The following CELA3B variants were observed in gnomAD, a reference collection of about 807,000 sequenced individuals.
The protein encoded by CELA3B is chymotrypsin-like elastase family member 3B.
In CELA3B, 34 loss-of-function variants were observed where a neutral mutation model predicts 37.2. The observed-to-expected ratio is 0.91, with a 90% CI of 0.70 to 1.22. The LOEUF is 1.22. Ranked by LOEUF, CELA3B falls within the 50% of genes most tolerant of loss-of-function variation. CELA3B has a pLI of 0.00. For synonymous variants in CELA3B, 127 were observed against 143.5 expected (o/e 0.89, Z 0.82); for missense variants, 340 against 363.1 (o/e 0.94, Z 0.52).
rs148622646 is a variant in CELA3B, at chr1:21,995,783, G to T, written c.505-2368G>T. 1.3e-3 allele frequency among the ~76,000 whole-genome samples: 183 copies of T among 145,816 alleles called. 12 individuals carry two copies. The East Asian group carries it at 0.032, about 25-fold the overall frequency. On this transcript the variant is annotated intron_variant, in intron 4 of 4. Transcript: ENST00000400277. ...TGATTGTCTCACAATCCTGAGGCTG[G>T]AAGAAGGAAATCAGGGTATTAGCAG... is the stretch of plus-strand genomic sequence containing the variant.
intron 7 of CELA3B, among the ~76,000 whole-genome samples, chr1:21,988,770 G>C (rs562672926): frequency 7.3e-5 from 11 of 150,846 alleles, no homozygotes; most frequent in South Asian, 6.3e-4. Flanking sequence ...TACGCCTGTA[G>C]TCCCAGCTAC....
intron 4 of CELA3B, among the ~76,000 whole-genome samples, chr1:21,995,702 A>T (rs1255357820): frequency 6.7e-6 from 1 of 149,454 alleles, no homozygotes; most frequent in East Asian, 2.0e-4. Context: ...ATCACTTTTA[A>T]TGCCAGGGAA....
At chr1:21,977,186 A>C (rs886669498) in intron 1 of CELA3B, 104 bp downstream of exon 1, 2 of 1,540,054 alleles carry the variant, frequency 1.3e-6, no homozygotes, top group Non-Finnish European at 1.8e-6. Flanking sequence ...GCCTGGTTCC[A>C]CAGGAGGGGG....
chr1:21,979,448 CTTTTCTTTT>C (rs1644791717), intron 2 of CELA3B, among the ~76,000 whole-genome samples: 1 of 108,554 alleles, frequency 9.2e-6, no homozygotes, highest in Admixed American at 1.2e-4. Flanking sequence ...CTTTTCTTTT[CTTTTCTTTT>C]TTTTTTTTTT....
In CELA3B at chr1:21,996,925, G is replaced by A. The variant is rs1158456572; in HGVS notation, c.505-1226G>A. Among the ~76,000 whole-genome samples, 8 of 151,270 alleles carry A rather than the reference G, an allele frequency of 5.3e-5. 1 individual carries two copies. The highest frequency in any genetic ancestry group is 1.5e-4 in the African/African-American group (6 of 40,866). ...CTGCTGACCCATCTGAGACAGCTGG[G>A]GCTGGTAGCTGGGAAATGTTGACCT... is the stretch of plus-strand genomic sequence containing the variant. On this transcript the variant is annotated intron_variant, in intron 4 of 4. Coordinates refer to the CELA3B transcript ENST00000400277.
chr1:21,983,602 T>C (rs546413185), intron 4 of CELA3B, 92 bp from the exon 5 acceptor site: 1 of 1,548,736 alleles, frequency 6.5e-7, no homozygotes, highest in East Asian at 2.3e-5. Context: ...AGCTGGGGCA[T>C]CTCAGAGGCG....
Position 21,977,474 on chromosome 1 carries a change from G to A in CELA3B, c.43+392G>A, listed in dbSNP as rs182257920. On this transcript the variant is annotated intron_variant, in intron 1 of 7. Coordinates refer to ENST00000337107, the MANE Select transcript of CELA3B (RefSeq NM_007352.4). ...GCTCTGGCCTTTTCCTGGTCTCTCTGCCATATTACATTCCAGCTCAGGGCC... is the reference window on the plus strand; with the variant it reads ...GCTCTGGCCTTTTCCTGGTCTCTCTACCATATTACATTCCAGCTCAGGGCC... Among the ~76,000 whole-genome samples, 753 of 152,192 alleles carry A rather than the reference G, an allele frequency of 4.9e-3. 20 individuals are homozygous for A. The highest frequency in any genetic ancestry group is 0.045 in the Admixed American group (683 of 15,274).
At position 21,986,699 on chromosome 1, in the gene CELA3B, C is replaced by T. The variant is rs746537803; in HGVS notation, c.795+16C>T. ...GATTGAGGAGGTGAGGAGGGCAGGG[C>T]GGCCCGGAGGGCTTTAGGGTGGTGG... On this transcript the variant is annotated intron_variant, in intron 7 of 7. Coordinates refer to ENST00000337107, the MANE Select transcript of CELA3B (RefSeq NM_007352.4). 30 of 1,608,982 alleles carry T rather than the reference C, an allele frequency of 1.9e-5. No individual in the cohort carries two copies. The highest frequency in any genetic ancestry group is 6.8e-5 in the Admixed American group (4 of 58,842).
chr1:21,982,315 T>C (rs1472923968), intron 4 of CELA3B, among the ~76,000 whole-genome samples: 3 of 151,976 alleles, frequency 2.0e-5, no homozygotes. Context: ...CCTGCAGCAA[T>C]GTGAATTATT....
downstream of CELA3B, among the ~76,000 whole-genome samples, chr1:21,991,556 G>A (rs1440095966): frequency 4.6e-5 from 7 of 150,966 alleles, no homozygotes; most frequent in African/African-American, 9.8e-5. Context: ...GGCTGGTCTC[G>A]AACTCCTGAC....
intron 7 of CELA3B, 71 bp from the exon 8 acceptor site, chr1:21,989,190 AC>A (rs1644858342): frequency 6.4e-7 from 1 of 1,565,338 alleles, no homozygotes; most frequent in Admixed American, 1.8e-5. Context: ...TGGAAGTTGA[AC>A]CCAGTTTCAT....
At chr1:21,983,554 G>A (rs1569841906) in intron 4 of CELA3B, 140 bp from the exon 5 acceptor site, 1 of 1,337,134 alleles carries the variant, frequency 7.5e-7, no homozygotes. Context: ...TAATAATGAT[G>A]ATGATGATGA....
intron 7 of CELA3B, among the ~76,000 whole-genome samples, chr1:21,988,400 G>A (rs1228545416): frequency 7.3e-5 from 11 of 151,682 alleles, no homozygotes; most frequent in Non-Finnish European, 1.5e-4. Context: ...GACCAGCCTG[G>A]CCAATATGGT....
At chr1:21,997,261 T>C (rs1644894226) in intron 4 of CELA3B, among the ~76,000 whole-genome samples, 1 of 149,124 alleles carries the variant, frequency 6.7e-6, no homozygotes, top group Non-Finnish European at 1.5e-5. Context: ...CTTGGGAGGC[T>C]GAGGCAGGAG....
chr1:21,986,961 C>A (rs1474159929), intron 7 of CELA3B: 19 of 438,192 alleles, frequency 4.3e-5, no homozygotes, highest in South Asian at 2.5e-4. Flanking sequence ...CCTCTCTTGT[C>A]AGGGAGGATA....
intron 4 of CELA3B, among the ~76,000 whole-genome samples, chr1:21,996,449 C>T (rs1644890700): frequency 6.6e-6 from 1 of 151,176 alleles, no homozygotes; most frequent in African/African-American, 2.5e-5. Flanking sequence ...AATGCCATGG[C>T]AACGTCAGGA....
At chr1:21,998,444 T>C (rs551520489) in exon 5 of CELA3B, 1 of 279,048 alleles carries the variant, frequency 3.6e-6, no homozygotes. Context: ...TTAATATCTC[T>C]AGAATGTGCC....
intron 1 of CELA3B, 147 bp downstream of exon 1, chr1:21,977,229 G>A (rs780280409): frequency 1.2e-5 from 15 of 1,241,956 alleles, no homozygotes; most frequent in South Asian, 5.0e-5. Context: ...TGACTGTGGG[G>A]GCTTTCAGCT....
At chr1:21,978,519 G>C (rs539024294) in intron 2 of CELA3B, 65 bp downstream of exon 2, 34 of 1,576,394 alleles carry the variant, frequency 2.2e-5, no homozygotes, top group Non-Finnish European at 3.0e-5. Flanking sequence ...CTAATGGCGC[G>C]GCATCCAGCC....
Sources: allele counts gnomAD v4.1 joint callset (sites outside exome capture counted in the v4.1 genomes callset), GRCh38; gene constraint gnomAD v4.1.1; transcripts MANE v1.5; gene names NCBI Gene and HGNC (gene_info 2026-07-23, HGNC 2026-07-21).